IBSP: variants seen among roughly 807,000 people sequenced by gnomAD.
IBSP encodes the protein integrin-binding sialoprotein.
In IBSP, 19 loss-of-function variants were observed where a neutral mutation model predicts 25.5. The ratio of observed to expected loss-of-function variants is 0.74; its 90% CI spans 0.52 to 1.09. The LOEUF (loss-of-function observed/expected upper bound fraction) is 1.09, where lower values mean the gene tolerates loss of function less well. IBSP is among the 50% of genes least tolerant of loss of function. The pLI, the probability that IBSP is intolerant of heterozygous loss-of-function variation, is 0.00. For missense variants in IBSP, 360 were observed against 382.3 expected, an observed-to-expected ratio of 0.94 and a Z score of 0.49; for synonymous variants, 144 against 137.6, an observed-to-expected ratio of 1.05 and a Z score of -0.33.
At chr4:87,804,380 G>A (rs566537608) in intron 4 of IBSP, among the ~76,000 whole-genome samples, 3 of 152,226 alleles carry the variant, frequency 2.0e-5, no homozygotes, top group Middle Eastern at 6.8e-3. Context: ...AAGTTACAAT[G>A]ACATATGTTA....
intron 4 of IBSP, 57 bp from the exon 5 acceptor site, chr4:87,806,065 C>A: frequency 7.9e-7 from 1 of 1,267,126 alleles, no homozygotes; most frequent in Non-Finnish European, 1.1e-6. Context: ...ATTTAAATTG[C>A]TGTTGAATAT....
chr4:87,811,796 T>A lies in IBSP; in HGVS notation c.840T>A (p.Ser280Arg). ...ACAATGGATATGAAATCTATGAAAG[T>A]GAGAACGGGGAACCTCGTGGGGACA... ...EYDNGYEIYE[S>R]ENGEPRGDNY... The change falls in exon 7 of 7, where the codon AGT becomes AGA. Residue 280 changes from serine (S) to arginine (R), a missense_variant. Physicochemically the swap from Ser to Arg is moderately radical, Grantham distance 110. Coordinates refer to ENST00000226284, the MANE Select transcript of IBSP (RefSeq NM_004967.4). 6.2e-7 allele frequency: 1 copy of A among 1,613,352 alleles called. No individual in the cohort carries two copies. Among genetic ancestry groups the A allele is most frequent in the Non-Finnish European group, 8.5e-7 (1 of 1,179,634 alleles).
At chr4:87,806,301 T>C in intron 5 of IBSP, 117 bp downstream of exon 5, 3 of 737,324 alleles carry the variant, frequency 4.1e-6, no homozygotes, top group Non-Finnish European at 6.9e-6. Context: ...TAACTGCCCA[T>C]AATATCCTAT....
intron 1 of IBSP, among the ~76,000 whole-genome samples, chr4:87,800,419 A>G (rs187412393): frequency 6.6e-6 from 1 of 152,286 alleles, no homozygotes; most frequent in Non-Finnish European, 1.5e-5. Flanking sequence ...AATTCTATGT[A>G]TCTAAGCTTT....
Position 87,812,136 on chromosome 4 carries a change from C to T in IBSP, c.*226C>T. 2.4e-6 allele frequency: 1 copy of T among 425,492 alleles called. No homozygotes were observed. The highest frequency in any genetic ancestry group is 4.1e-6 in the Non-Finnish European group (1 of 244,244). 26.4% of individuals were successfully genotyped at this position (425,492 alleles called of 1,614,324 possible). On this transcript the variant is annotated 3_prime_UTR_variant, in exon 7 of 7. Transcript: ENST00000226284. The stretch of plus-strand genomic sequence containing the variant: ...TTGTAAATCAGGACCATTTATCAAG[C>T]AGTACACCAACTCATAAGATCAAAT...
Position 87,802,748 on chromosome 4 carries a change from A to G in IBSP, c.183+17A>G, listed in dbSNP as rs200101549. ...CCAGTTCAGGTAAATATAGAAATTC[A>G]TTTTTCTTCAGTTTAATTTCTATTA... On this transcript the variant is annotated intron_variant, in intron 4 of 6. Coordinates refer to ENST00000226284, the MANE Select transcript of IBSP (RefSeq NM_004967.4). 71 of 1,446,492 alleles carry G rather than the reference A, an allele frequency of 4.9e-5. No individual in the cohort carries two copies. Among genetic ancestry groups the G allele is most frequent in the Middle Eastern group, 2.6e-4 (1 of 3,906 alleles). The allele number at this position is 1,446,492 out of a possible 1,614,324, so 89.6% of individuals were successfully genotyped here. A position where few individuals can be genotyped will look rare whatever the true frequency, so the allele number is the denominator to read the frequency against.
chr4:87,810,039 C>T (rs986889950), intron 5 of IBSP, among the ~76,000 whole-genome samples: 1 of 152,120 alleles, frequency 6.6e-6, no homozygotes, highest in Non-Finnish European at 1.5e-5. Flanking sequence ...TCCTGGCCAA[C>T]ACGGTGAAAC....
rs1023969136 is a variant in IBSP at position 87,799,595 on chromosome 4, T to G, written c.-53T>G. 6.6e-6 allele frequency: 1 copy of G among 152,200 alleles called. No individual in the cohort carries two copies. Among genetic ancestry groups the G allele is most frequent in the South Asian group, 2.1e-4 (1 of 4,836 alleles). 9.4% of individuals were successfully genotyped at this position (152,200 alleles called of 1,614,324 possible). A position where few individuals can be genotyped will look rare whatever the true frequency, so the allele number is the denominator to read the frequency against. On this transcript the variant is annotated 5_prime_UTR_variant, in exon 1 of 7. Coordinates refer to ENST00000226284, the MANE Select transcript of IBSP (RefSeq NM_004967.4). ...GAAATACTCAATCTGTGCCACTCAC[T>G]GCCTTGAGCCTGCTTCCTCACTCCA...
intron 1 of IBSP, 102 bp downstream of exon 1, chr4:87,799,735 A>T (rs888118470): frequency 5.9e-5 from 9 of 152,184 alleles, no homozygotes; most frequent in African/African-American, 2.2e-4. Context: ...ATGTTATTGC[A>T]TTGTACATGG....
chr4:87,804,082 C>T (rs927037236), intron 4 of IBSP, among the ~76,000 whole-genome samples: 23 of 152,102 alleles, frequency 1.5e-4, no homozygotes, highest in Non-Finnish European at 2.4e-4. Context: ...CTTTAATATA[C>T]AAGTTTTTTC....
chr4:87,805,818 A>G (rs978519400), intron 4 of IBSP, among the ~76,000 whole-genome samples: 2 of 152,220 alleles, frequency 1.3e-5, no homozygotes, highest in African/African-American at 4.8e-5. Context: ...GTTTTTACAT[A>G]CAAAATGTTT....
intron 4 of IBSP, among the ~76,000 whole-genome samples, chr4:87,803,174 A>G (rs1377573344): frequency 1.3e-5 from 2 of 152,128 alleles, no homozygotes; most frequent in African/African-American, 4.8e-5. Context: ...GACTTCATAA[A>G]CATCAGAGGC....
chr4:87,808,213 G>A (rs1053678802), intron 5 of IBSP, among the ~76,000 whole-genome samples: 5 of 147,894 alleles, frequency 3.4e-5, no homozygotes, highest in South Asian at 4.2e-4. Flanking sequence ...ACGGAGTCTC[G>A]CTCTGTTTCC....
chr4:87,802,013 T>A (rs1475388396), intron 1 of IBSP, among the ~76,000 whole-genome samples: 2 of 152,130 alleles, frequency 1.3e-5, no homozygotes, highest in Non-Finnish European at 2.9e-5. Flanking sequence ...ACACTCCATG[T>A]CAATATTAAG....
rs140719771 is a variant in IBSP at position 87,811,666 on chromosome 4, C to A, written c.710C>A (p.Pro237His). The A allele has an allele frequency of 5.6e-5, 91 of 1,613,806 alleles. No individual in the cohort carries two copies. In the South Asian group the frequency reaches 7.8e-4, roughly 14 times the overall value. ...ACCTCTCCAAATGGTGGGTTTGAAC[C>A]TACAACCCCACCACAAGTCTATAGA... ...TTTSPNGGFE[P>H]TTPPQVYRTT... Residue 237 changes from proline to histidine, a missense_variant, in exon 7 of 7, where the codon CCT becomes CAT. Physicochemically the swap from Pro to His is moderately conservative, Grantham distance 77 (BLOSUM62 -2). Coordinates refer to ENST00000226284, the MANE Select transcript of IBSP (RefSeq NM_004967.4).
rs181466147 is a variant in IBSP, at chr4:87,810,821, T to C, written c.405+57T>C. The C allele has an allele frequency of 6.6e-6, 10 of 1,514,550 alleles. No individual in the cohort carries two copies. The African/African-American group carries it at 1.2e-4, about 19-fold the overall frequency. The allele number at this position is 1,514,550 out of a possible 1,614,324, so 93.8% of individuals were successfully genotyped here. A position where few individuals can be genotyped will look rare whatever the true frequency, so the allele number is the denominator to read the frequency against. The stretch of plus-strand genomic sequence containing the variant: ...TTATTACCATTAATAATAATGGTAA[T>C]GTTCAATCTTTTTTAAACTTTTTAA... On this transcript the variant is annotated intron_variant, in intron 6 of 6. Coordinates refer to ENST00000226284, the MANE Select transcript of IBSP (RefSeq NM_004967.4).
chr4:87,800,736 G>T (rs1195048704), intron 1 of IBSP, among the ~76,000 whole-genome samples: 2 of 152,158 alleles, frequency 1.3e-5, no homozygotes, highest in African/African-American at 4.8e-5. Flanking sequence ...AGTATCTCCA[G>T]GACTTAGTGT....
intron 5 of IBSP, 35 bp from the exon 6 acceptor site, chr4:87,810,570 TA>T: frequency 6.8e-7 from 1 of 1,477,482 alleles, no homozygotes; most frequent in Admixed American, 1.7e-5. Context: ...ATCTTCCAGG[TA>T]AAATAATTTT....
At chr4:87,803,591 G>A (rs1412522713) in intron 4 of IBSP, among the ~76,000 whole-genome samples, 1 of 152,160 alleles carries the variant, frequency 6.6e-6, no homozygotes, top group African/African-American at 2.4e-5. Flanking sequence ...AAAGCAGTCA[G>A]GATGCTGAAA....
Sources: allele counts gnomAD v4.1 joint callset (sites outside exome capture counted in the v4.1 genomes callset), GRCh38; gene constraint gnomAD v4.1.1; transcripts MANE v1.5; gene names NCBI Gene and HGNC (gene_info 2026-07-23, HGNC 2026-07-21).